Variants in ZC2HC1A observed in about 807,000 individuals in gnomAD.
The protein encoded by ZC2HC1A is zinc finger C2HC-type containing 1A, also known as zinc finger C2HC domain-containing protein 1A.
In ZC2HC1A, 28 loss-of-function variants were observed where a neutral mutation model predicts 40.7. The ratio of observed to expected loss-of-function variants is 0.69; its 90% CI spans 0.51 to 0.94. The LOEUF (loss-of-function observed/expected upper bound fraction) is 0.94. Among genes scored for constraint, ZC2HC1A ranks in the 40% least tolerant of loss-of-function variants. ZC2HC1A has a pLI of 0.00. For missense variants in ZC2HC1A, 389 were observed against 386.3 expected (o/e 1.01, Z -0.06); for synonymous variants, 129 against 129.2 (o/e 1.00, Z 0.01).
intron 7 of ZC2HC1A, 46 bp from the exon 8 acceptor site, chr8:78,715,175 T>C (rs1811060292): frequency 6.5e-7 from 1 of 1,535,262 alleles, no homozygotes; most frequent in African/African-American, 1.4e-5. Context: ...GAGAAATACA[T>C]GCTCACTGTT....
Position 78,666,893 on chromosome 8 carries a change from T to C in ZC2HC1A, c.16+729T>C, listed in dbSNP as rs16905947. ...TTTTCTCTATTCTGTTTACCCATTT[T>C]ATCCTGTGTAATGAAAGCATTCACC... On this transcript the variant is annotated intron_variant, in intron 1 of 8. Transcript: ENST00000263849. Among the ~76,000 whole-genome samples the C allele has an allele frequency of 4.6e-5, 7 of 152,208 alleles. No individual in the cohort carries two copies. The East Asian group carries it at 1.3e-3, about 29-fold the overall frequency.
intron 7 of ZC2HC1A, among the ~76,000 whole-genome samples, chr8:78,709,944 A>G (rs1810902329): frequency 6.6e-6 from 1 of 152,140 alleles, no homozygotes; most frequent in Admixed American, 6.5e-5. Context: ...ATCTCAATCT[A>G]CAGTACTTGC....
chr8:78,670,222 G>A (rs578125432), intron 1 of ZC2HC1A, among the ~76,000 whole-genome samples: 90 of 152,046 alleles, frequency 5.9e-4, no homozygotes, highest in Non-Finnish European at 1.2e-3. Context: ...CTGCCTCGAC[G>A]TCCCAAAGTG....
At chr8:78,699,077 TA>T (rs1810519861) in intron 7 of ZC2HC1A, among the ~76,000 whole-genome samples, 1 of 152,134 alleles carries the variant, frequency 6.6e-6, no homozygotes, top group African/African-American at 2.4e-5. Flanking sequence ...TGAAAATCTA[TA>T]AAGGGATATT....
chr8:78,695,803 A>G (rs531580340), intron 5 of ZC2HC1A, among the ~76,000 whole-genome samples: 7 of 152,186 alleles, frequency 4.6e-5, no homozygotes, highest in South Asian at 4.2e-4. Context: ...TTGGTTTTCT[A>G]TTTTTCAGGT....
At chr8:78,669,047 T>C (rs1291776797) in intron 1 of ZC2HC1A, among the ~76,000 whole-genome samples, 1 of 150,948 alleles carries the variant, frequency 6.6e-6, no homozygotes, top group Non-Finnish European at 1.5e-5. Flanking sequence ...GTGTAGCCCT[T>C]GGTTTAAAGA....
intron 2 of ZC2HC1A, 35 bp from the exon 3 acceptor site, chr8:78,678,528 A>G: frequency 1.9e-6 from 3 of 1,544,574 alleles, no homozygotes; most frequent in Non-Finnish European, 2.6e-6. Flanking sequence ...TCTGTAGAAA[A>G]GAAAATGATA....
intron 5 of ZC2HC1A, among the ~76,000 whole-genome samples, chr8:78,690,649 C>T (rs1258742978): frequency 6.6e-6 from 1 of 151,744 alleles, no homozygotes; most frequent in East Asian, 1.9e-4. Flanking sequence ...AAAATGACTT[C>T]TAGCATTTGA....
intron 5 of ZC2HC1A, among the ~76,000 whole-genome samples, chr8:78,691,256 T>G (rs972143281): frequency 7.1e-6 from 1 of 141,546 alleles, no homozygotes; most frequent in Non-Finnish European, 1.5e-5. Flanking sequence ...TCTTTAGTTT[T>G]GCCAGCTTTT....
rs1309936787 is a variant in ZC2HC1A, at chr8:78,666,090, G to A, written c.-59G>A. Reference sequence around the variant, plus strand: ...AGGTGCGGCTGGGTTGCTACAGCCAGAGCTGGGCGGTGGCGGGCGCTGCTG... The same window carrying A: ...AGGTGCGGCTGGGTTGCTACAGCCAAAGCTGGGCGGTGGCGGGCGCTGCTG... On this transcript the variant is annotated 5_prime_UTR_variant, in exon 1 of 9. Transcript: ENST00000263849. 1 of 1,553,496 alleles carries A rather than the reference G, an allele frequency of 6.4e-7. No individual in the cohort carries two copies. Among genetic ancestry groups the A allele is most frequent in the Non-Finnish European group, 8.7e-7 (1 of 1,148,640 alleles).
rs1430501124 is a variant in ZC2HC1A at position 78,687,625 on chromosome 8, C to T, written c.352+1017C>T. Among the ~76,000 whole-genome samples, 27 of 124,414 alleles carry T rather than the reference C, an allele frequency of 2.2e-4. 1 individual carries two copies. Among genetic ancestry groups the T allele is most frequent in the African/African-American group, 5.6e-4 (19 of 33,786 alleles). 81.6% of individuals were successfully genotyped at this position (124,414 alleles called of 152,430 possible). A position where few individuals can be genotyped will look rare whatever the true frequency, so the allele number is the denominator to read the frequency against. On this transcript the variant is annotated intron_variant, in intron 4 of 8. Coordinates refer to ENST00000263849, the MANE Select transcript of ZC2HC1A (RefSeq NM_016010.3). Reference sequence around the variant, plus strand: ...TTACATAATACATTATATATATTTACGTAATACATTATATATATATTTACG... The same window carrying T: ...TTACATAATACATTATATATATTTATGTAATACATTATATATATATTTACG...
At chr8:78,676,062 C>A in intron 2 of ZC2HC1A, 199 bp downstream of exon 2, 1 of 393,372 alleles carries the variant, frequency 2.5e-6, no homozygotes, top group Non-Finnish European at 4.5e-6. Context: ...GTCTTCAGAA[C>A]TCTTCTGTTA....
rs1811203254 is a variant in ZC2HC1A, at chr8:78,719,693, ATTTG to A, written c.*2204_*2207del. On this transcript the variant is annotated 3_prime_UTR_variant, in exon 9 of 9. Transcript: ENST00000263849. Reference sequence around the variant, plus strand: ...TGGTGACTATTATTTCTTGTCCACTATTTGTTTTTTGTTTTTTCACCAATAATGT... The same window carrying A: ...TGGTGACTATTATTTCTTGTCCACTATTTTTTGTTTTTTCACCAATAATGT... The A allele has an allele frequency of 6.6e-6, 1 of 151,652 alleles. No homozygotes were observed. The highest frequency in any genetic ancestry group is 2.4e-5 in the African/African-American group (1 of 41,396). The allele number at this position is 151,652 out of a possible 1,614,324, so 9.4% of individuals were successfully genotyped here.
At chr8:78,689,192 T>C in intron 4 of ZC2HC1A, 30 bp from the exon 5 acceptor site, 3 of 1,425,862 alleles carry the variant, frequency 2.1e-6, no homozygotes, top group Non-Finnish European at 2.8e-6. Flanking sequence ...TACTATGCTA[T>C]TAATCTGTTT....
intron 7 of ZC2HC1A, among the ~76,000 whole-genome samples, chr8:78,707,318 G>T (rs969661400): frequency 6.6e-6 from 1 of 152,200 alleles, no homozygotes; most frequent in Non-Finnish European, 1.5e-5. Flanking sequence ...TAGATAGGAC[G>T]TGTAAAGCTG....
chr8:78,676,649 T>C (rs1809588134), intron 2 of ZC2HC1A, among the ~76,000 whole-genome samples: 1 of 152,038 alleles, frequency 6.6e-6, no homozygotes, highest in African/African-American at 2.4e-5. Context: ...TTTGTTTCTT[T>C]AAAGCAAAGT....
At chr8:78,687,249 C>A (rs1049045857) in intron 4 of ZC2HC1A, among the ~76,000 whole-genome samples, 1 of 151,798 alleles carries the variant, frequency 6.6e-6, no homozygotes, top group Non-Finnish European at 1.5e-5. Flanking sequence ...GTTAATGTAA[C>A]AGGGTAGCCA....
At chr8:78,702,978 C>A (rs1468567430) in intron 7 of ZC2HC1A, among the ~76,000 whole-genome samples, 1 of 152,040 alleles carries the variant, frequency 6.6e-6, no homozygotes, top group Non-Finnish European at 1.5e-5. Flanking sequence ...CTCGCTGCAA[C>A]CTCTGCCTCC....
intron 5 of ZC2HC1A, among the ~76,000 whole-genome samples, chr8:78,692,889 ACC>A (rs1810258325): frequency 6.6e-6 from 1 of 150,760 alleles, no homozygotes; most frequent in Non-Finnish European, 1.5e-5. Flanking sequence ...CACTCCCCCC[ACC>A]CCACAACAGG....
Sources: allele counts gnomAD v4.1 joint callset (sites outside exome capture counted in the v4.1 genomes callset), GRCh38; gene constraint gnomAD v4.1.1; transcripts MANE v1.5; gene names NCBI Gene and HGNC (gene_info 2026-07-23, HGNC 2026-07-21).